Variants in LRRC8B observed in about 807,000 individuals in gnomAD.
LRRC8B encodes volume-regulated anion channel subunit LRRC8B.
A neutral mutation model predicts 58.8 loss-of-function variants in LRRC8B; 23 were observed. The observed-to-expected ratio is 0.39, with a 90% confidence interval of 0.28 to 0.55. LRRC8B has a LOEUF of 0.55. Ranked by LOEUF, LRRC8B falls within the 20% of genes least tolerant of loss-of-function variation. The probability of loss-of-function intolerance (pLI) is 0.62; values close to 1 mark genes in which losing one functional copy is unlikely to be tolerated. For synonymous variants in LRRC8B, 359 were observed against 374.1 expected (o/e 0.96, Z 0.47); for missense variants, 694 against 936.0 (o/e 0.74, Z 3.37).
Position 89,594,094 on chromosome 1 carries a change from T to C in LRRC8B, c.*1051T>C, listed in dbSNP as rs944781900. The C allele has an allele frequency of 6.6e-5, 10 of 152,226 alleles. No homozygotes were observed. The highest frequency in any genetic ancestry group is 2.4e-4 in the African/African-American group (10 of 41,462). 9.4% of individuals were successfully genotyped at this position (152,226 alleles called of 1,614,324 possible). A position where few individuals can be genotyped will look rare whatever the true frequency, so the allele number is the denominator to read the frequency against. ...CCTTTTTTTATTTGTTAAGAATTTT[T>C]ATATTAAATGTAAAACATATAAATA... On this transcript the variant is annotated 3_prime_UTR_variant, in exon 6 of 6. Coordinates refer to ENST00000330947, the MANE Select transcript of LRRC8B (RefSeq NM_001369817.2).
intron 3 of LRRC8B, among the ~76,000 whole-genome samples, chr1:89,570,966 T>C (rs556540411): frequency 3.2e-4 from 48 of 152,316 alleles, no homozygotes; most frequent in African/African-American, 1.2e-3. Flanking sequence ...ATTTATCAAA[T>C]AGGGAATCCT....
At position 89,541,581 on chromosome 1, in the gene LRRC8B, G is replaced by T. The variant is rs931990269; in HGVS notation, c.-241+16559G>T. Among the ~76,000 whole-genome samples the T allele has an allele frequency of 2.0e-5, 3 of 149,678 alleles. No homozygotes were observed. In the East Asian group the frequency reaches 5.9e-4, roughly 29 times the overall value. The stretch of plus-strand genomic sequence containing the variant: ...AAAACATTAGCCGGGCGTAGTGGCG[G>T]GCGCCTGTAGTCCCAGCTACTTGGG... On this transcript the variant is annotated intron_variant, in intron 1 of 5. Coordinates refer to ENST00000330947, the MANE Select transcript of LRRC8B (RefSeq NM_001369817.2).
chr1:89,594,384 A>G lies in LRRC8B; in HGVS notation c.*1341A>G, dbSNP rs1421658216. ...GCCGAATCATCTACCTCTCTCTTCC[A>G]TAGTTGCTGTGCAATCGTACGGGTA... On this transcript the variant is annotated 3_prime_UTR_variant, in exon 6 of 6. Transcript: ENST00000330947. 6.6e-6 allele frequency: 1 copy of G among 152,196 alleles called. No homozygotes were observed. Among genetic ancestry groups the G allele is most frequent in the Non-Finnish European group, 1.5e-5 (1 of 68,024 alleles). 9.4% of individuals were successfully genotyped at this position (152,196 alleles called of 1,614,324 possible). A position where few individuals can be genotyped will look rare whatever the true frequency, so the allele number is the denominator to read the frequency against.
At chr1:89,550,546 C>T (rs532386548) in intron 1 of LRRC8B, among the ~76,000 whole-genome samples, 11 of 152,222 alleles carry the variant, frequency 7.2e-5, no homozygotes, top group African/African-American at 2.6e-4. Context: ...CTTAGCTATG[C>T]CAAACCTTTA....
chr1:89,592,586 A>G (rs1003461425), intron 5 of LRRC8B, among the ~76,000 whole-genome samples, 185 bp from the exon 6 acceptor site: 3 of 151,800 alleles, frequency 2.0e-5, no homozygotes, highest in Admixed American at 6.6e-5. Context: ...CTCACTCCTC[A>G]TTGTACTCCT....
At chr1:89,547,037 A>G (rs1385575471) in intron 1 of LRRC8B, among the ~76,000 whole-genome samples, 2 of 152,170 alleles carry the variant, frequency 1.3e-5, no homozygotes, top group African/African-American at 4.8e-5. Context: ...CAAAACTCTC[A>G]CTTCCTAATT....
chr1:89,582,919 C>T lies in LRRC8B; in HGVS notation c.269C>T (p.Pro90Leu). The T allele has an allele frequency of 6.2e-7, 1 of 1,614,174 alleles. No individual in the cohort carries two copies. The highest frequency in any genetic ancestry group is 2.2e-5 in the East Asian group (1 of 44,882). Residue 90 changes from proline to leucine, a missense_variant, in exon 5 of 6, where the codon CCC becomes CTC. By Grantham distance (98) the Pro-to-Leu change is moderately conservative. Around this residue, in one of 5 missense-constraint regions of LRRC8B, gnomAD observed 316 missense variants for 403.8 expected, o/e 0.78. Coordinates refer to ENST00000330947, the MANE Select transcript of LRRC8B (RefSeq NM_001369817.2). ...AATCCTGGGACACCGCTTCCGCTCCCCCTCCGAATTCAGAATGACCTCCAC... is the reference window on the plus strand; with the variant it reads ...AATCCTGGGACACCGCTTCCGCTCCTCCTCCGAATTCAGAATGACCTCCAC... ...SSNPGTPLPLPLRIQNDLHRQ... is the reference protein window; with the variant it reads ...SSNPGTPLPLLLRIQNDLHRQ...
In LRRC8B at chr1:89,584,481, C is replaced by T. The variant is rs757675932; in HGVS notation, c.1831C>T (p.His611Tyr). 1 of 1,614,170 alleles carries T rather than the reference C, an allele frequency of 6.2e-7. No individual in the cohort carries two copies. Among genetic ancestry groups the T allele is most frequent in the Non-Finnish European group, 8.5e-7 (1 of 1,180,032 alleles). The change falls in exon 5 of 6, where the codon CAT (histidine) becomes TAT (tyrosine). Residue 611 changes from histidine to tyrosine, a missense_variant. This residue lies in a region of LRRC8B where 53 missense variants were observed against 112.3 expected (regional missense o/e 0.47). Transcript: ENST00000330947. ...PHSIFSLNNL[H>Y]ELDLRENNLK... The stretch of plus-strand genomic sequence containing the variant: ...TTCCATTTTCAGCCTGAATAATTTG[C>T]ATGAGTTAGACCTAAGGGAAAATAA...
intron 1 of LRRC8B, among the ~76,000 whole-genome samples, chr1:89,538,144 A>G (rs1397790901): frequency 1.3e-5 from 2 of 152,086 alleles, no homozygotes. Context: ...GGACCCAGGC[A>G]TGGTGGCTGG....
At chr1:89,543,367 A>G (rs1651161493) in intron 1 of LRRC8B, among the ~76,000 whole-genome samples, 1 of 152,236 alleles carries the variant, frequency 6.6e-6, no homozygotes, top group African/African-American at 2.4e-5. Flanking sequence ...TTAGGAGTCT[A>G]AAACTTCTTT....
intron 1 of LRRC8B, among the ~76,000 whole-genome samples, chr1:89,566,832 C>A (rs1232502695): frequency 6.6e-6 from 1 of 152,146 alleles, no homozygotes. Flanking sequence ...ACTTGGGAGC[C>A]GTTCCTTATA....
chr1:89,590,211 T>C (rs991069914), intron 5 of LRRC8B, among the ~76,000 whole-genome samples: 1 of 152,210 alleles, frequency 6.6e-6, no homozygotes, highest in Non-Finnish European at 1.5e-5. Flanking sequence ...ATAAATTAGT[T>C]TTAAATAATT....
chr1:89,573,954 T>C (rs1413255264), intron 3 of LRRC8B, among the ~76,000 whole-genome samples: 1 of 152,238 alleles, frequency 6.6e-6, no homozygotes, highest in Non-Finnish European at 1.5e-5. Flanking sequence ...ATCAATAGAA[T>C]GTGGCAGAAA....
intron 1 of LRRC8B, among the ~76,000 whole-genome samples, chr1:89,534,972 C>T (rs969619358): frequency 6.6e-6 from 1 of 151,966 alleles, no homozygotes; most frequent in African/African-American, 2.4e-5. Context: ...TTCAAAATGG[C>T]CTTCTGCTTG....
Position 89,583,201 on chromosome 1 carries a change from C to A in LRRC8B, c.551C>A (p.Ser184Tyr). 1 of 1,614,168 alleles carries A rather than the reference C, an allele frequency of 6.2e-7. No homozygotes were observed. The highest frequency in any genetic ancestry group is 2.2e-5 in the East Asian group (1 of 44,874). The change falls in exon 5 of 6, where the codon TCC (serine) becomes TAC (tyrosine). Residue 184 changes from serine to tyrosine, a missense_variant. By Grantham distance (144) the Ser-to-Tyr change is moderately radical. Around this residue, in one of 5 missense-constraint regions of LRRC8B, gnomAD observed 316 missense variants for 403.8 expected, o/e 0.78. Transcript: ENST00000330947. The surrounding 1 kb of genome is among the most constrained non-coding windows in gnomAD (Gnocchi z 5.2). ...AEQSVRPLKL[S>Y]KSKILLSSSG... ...CAGTCAGTGAGGCCTCTGAAACTCTCCAAGTCCAAGATTTTGCTTTCGTCC... is the reference window on the plus strand; with the variant it reads ...CAGTCAGTGAGGCCTCTGAAACTCTACAAGTCCAAGATTTTGCTTTCGTCC...
chr1:89,581,406 T>C (rs531891734), intron 4 of LRRC8B, among the ~76,000 whole-genome samples: 7 of 146,260 alleles, frequency 4.8e-5, no homozygotes, highest in African/African-American at 1.5e-4. Flanking sequence ...CCCTTGAAAA[T>C]AGATTAGAGC....
rs996791287 is a variant in LRRC8B at position 89,524,892 on chromosome 1, C to A, written c.-371C>A. 6.6e-6 allele frequency: 1 copy of A among 152,252 alleles called. No individual in the cohort carries two copies. The highest frequency in any genetic ancestry group is 2.4e-5 in the African/African-American group (1 of 41,454). 9.4% of individuals were successfully genotyped at this position (152,252 alleles called of 1,614,324 possible). ...TCGGAGGCGGCGAGCCGGACAGCGC[C>A]GGGGCTTCCCGCTGAGCCCGCAGCC... On this transcript the variant is annotated 5_prime_UTR_variant, in exon 1 of 6. Coordinates refer to ENST00000330947, the MANE Select transcript of LRRC8B (RefSeq NM_001369817.2).
chr1:89,531,946 T>C (rs1199500926), intron 1 of LRRC8B, among the ~76,000 whole-genome samples: 1 of 152,096 alleles, frequency 6.6e-6, no homozygotes, highest in Non-Finnish European at 1.5e-5. Context: ...CACCCTCCCT[T>C]TTCCTGGAAT....
At chr1:89,588,429 T>A (rs959494660) in intron 5 of LRRC8B, among the ~76,000 whole-genome samples, 1 of 152,210 alleles carries the variant, frequency 6.6e-6, no homozygotes, top group Non-Finnish European at 1.5e-5. Context: ...GTGACTCTTG[T>A]GTTCTGTGAA....
Sources: allele counts gnomAD v4.1 joint callset (sites outside exome capture counted in the v4.1 genomes callset), GRCh38; gene constraint gnomAD v4.1.1; regional missense constraint gnomAD v4.1.1; non-coding constraint Gnocchi (gnomAD v3.1); transcripts MANE v1.5; gene names NCBI Gene and HGNC (gene_info 2026-07-23, HGNC 2026-07-21).